Variants in CAMKMT observed in about 807,000 individuals in gnomAD.
CAMKMT encodes the protein CaM KMT.
Under a neutral mutation model 48.0 loss-of-function variants are expected in CAMKMT, and 53 were observed. The ratio of observed to expected loss-of-function variants is 1.10; its 90% confidence interval spans 0.89 to 1.39. The LOEUF (loss-of-function observed/expected upper bound fraction) is 1.39, where lower values mean the gene tolerates loss of function less well. CAMKMT is among the 40% of genes most tolerant of loss of function. CAMKMT has a pLI of 0.00. For missense variants in CAMKMT, 428 were observed against 402.7 expected, an observed-to-expected ratio of 1.06 and a Z score of -0.54; for synonymous variants, 165 against 152.3, an observed-to-expected ratio of 1.08 and a Z score of -0.61.
At chr2:44,718,963 C>G (rs540296490) in intron 7 of CAMKMT, among the ~76,000 whole-genome samples, 1 of 152,246 alleles carries the variant, frequency 6.6e-6, no homozygotes, top group East Asian at 1.9e-4. Flanking sequence ...AGATTTATGC[C>G]TCCTCTGAGA....
chr2:44,559,087 C>G (rs1333564167), intron 3 of CAMKMT, among the ~76,000 whole-genome samples: 3 of 152,128 alleles, frequency 2.0e-5, no homozygotes, highest in African/African-American at 7.2e-5. Context: ...TTCTCAGTTT[C>G]TACAACAGAT....
chr2:44,460,254 G>A (rs1667779495), intron 3 of CAMKMT, among the ~76,000 whole-genome samples: 1 of 152,118 alleles, frequency 6.6e-6, no homozygotes, highest in Non-Finnish European at 1.5e-5. Flanking sequence ...TTGAATCATA[G>A]CAAATAATTT....
At chr2:44,467,976 A>T (rs939035238) in intron 3 of CAMKMT, among the ~76,000 whole-genome samples, 3 of 152,232 alleles carry the variant, frequency 2.0e-5, no homozygotes, top group Non-Finnish European at 2.9e-5. Context: ...CCTCAAAAAC[A>T]TAGGCAACAA....
chr2:44,596,907 C>T (rs543005324), intron 3 of CAMKMT, among the ~76,000 whole-genome samples: 2 of 152,210 alleles, frequency 1.3e-5, no homozygotes, highest in South Asian at 2.1e-4. Flanking sequence ...TTTGCTTCAA[C>T]CTTCATGAAA....
At chr2:44,624,008 C>A (rs1455139170) in intron 3 of CAMKMT, among the ~76,000 whole-genome samples, 2 of 152,074 alleles carry the variant, frequency 1.3e-5, no homozygotes, top group African/African-American at 2.4e-5. Flanking sequence ...TAGTATTCCA[C>A]TGTATGAATT....
chr2:44,754,002 A>G, intron 8 of CAMKMT, 53 bp from the exon 9 acceptor site: 1 of 1,297,524 alleles, frequency 7.7e-7, no homozygotes, highest in Non-Finnish European at 1.1e-6. Flanking sequence ...CATTAGTATC[A>G]TTAGACTTGA....
intron 3 of CAMKMT, among the ~76,000 whole-genome samples, chr2:44,466,938 A>C (rs1358879650): frequency 6.6e-6 from 1 of 152,170 alleles, no homozygotes; most frequent in Non-Finnish European, 1.5e-5. Flanking sequence ...CATATAACCT[A>C]CCAAGACTGA....
intron 6 of CAMKMT, 37 bp from the exon 7 acceptor site, chr2:44,715,250 C>G: frequency 7.3e-7 from 1 of 1,361,986 alleles, no homozygotes; most frequent in South Asian, 1.2e-5. Context: ...GGTCACTTCA[C>G]AATCAGTGCA....
intron 3 of CAMKMT, among the ~76,000 whole-genome samples, chr2:44,622,442 C>T (rs1672250894): frequency 2.0e-5 from 3 of 152,104 alleles, no homozygotes; most frequent in Non-Finnish European, 4.4e-5. Context: ...AACCCATCAC[C>T]CAGAAAGTGA....
At chr2:44,621,604 G>A (rs1672197936) in intron 3 of CAMKMT, among the ~76,000 whole-genome samples, 1 of 152,172 alleles carries the variant, frequency 6.6e-6, no homozygotes, top group Non-Finnish European at 1.5e-5. Flanking sequence ...TTGAGGAAAT[G>A]AAAGAAAACT....
intron 3 of CAMKMT, among the ~76,000 whole-genome samples, chr2:44,462,431 G>A (rs1373928512): frequency 6.6e-6 from 1 of 151,806 alleles, no homozygotes; most frequent in African/African-American, 2.4e-5. Flanking sequence ...AATGAAACTT[G>A]GAAATTTTTT....
chr2:44,675,112 G>C (rs911460478), intron 3 of CAMKMT, among the ~76,000 whole-genome samples: 4 of 151,252 alleles, frequency 2.6e-5, no homozygotes, highest in African/African-American at 9.7e-5. Context: ...GCCAGCAAAT[G>C]ATAGTAGGAG....
intron 3 of CAMKMT, among the ~76,000 whole-genome samples, chr2:44,670,088 A>G (rs1675242197): frequency 6.6e-6 from 1 of 152,160 alleles, no homozygotes; most frequent in African/African-American, 2.4e-5. Flanking sequence ...TTGATTTGTA[A>G]GAATGTCTTA....
At chr2:44,715,563 T>G (rs999476958) in intron 7 of CAMKMT, among the ~76,000 whole-genome samples, 1 of 152,140 alleles carries the variant, frequency 6.6e-6, no homozygotes, top group African/African-American at 2.4e-5. Flanking sequence ...AATTAATAGA[T>G]GAGAAAACAA....
At chr2:44,559,147 T>G (rs769071092) in intron 3 of CAMKMT, among the ~76,000 whole-genome samples, 15 of 152,210 alleles carry the variant, frequency 9.9e-5, no homozygotes, top group Non-Finnish European at 1.5e-4. Flanking sequence ...TGAACACTTT[T>G]GGATTAGGGA....
chr2:44,445,770 C>G (rs1448479054), intron 3 of CAMKMT, among the ~76,000 whole-genome samples: 1 of 147,814 alleles, frequency 6.8e-6, no homozygotes, highest in South Asian at 2.1e-4. Flanking sequence ...GTCCTCAGCC[C>G]CCTCCTCTTG....
intron 3 of CAMKMT, among the ~76,000 whole-genome samples, chr2:44,477,910 A>C (rs573111501): frequency 6.6e-6 from 1 of 152,222 alleles, no homozygotes; most frequent in Non-Finnish European, 1.5e-5. Context: ...GCTACTTCAC[A>C]CAAAGGGACG....
chr2:44,608,970 T>A (rs13011520), intron 3 of CAMKMT, among the ~76,000 whole-genome samples: 61,370 of 152,124 alleles, frequency 0.4, 14,480 homozygotes, highest in Middle Eastern at 0.54. Flanking sequence ...ATTCAAGTAA[T>A]TTAAATCTCT....
At chr2:44,511,792 T>C (rs1479562839) in intron 3 of CAMKMT, among the ~76,000 whole-genome samples, 1 of 152,196 alleles carries the variant, frequency 6.6e-6, no homozygotes, top group Non-Finnish European at 1.5e-5. Flanking sequence ...TATCTTTTGG[T>C]TGGGTCCCTC....
Sources: allele counts gnomAD v4.1 joint callset (sites outside exome capture counted in the v4.1 genomes callset), GRCh38; gene constraint gnomAD v4.1.1; transcripts MANE v1.5; gene names NCBI Gene and HGNC (gene_info 2026-07-23, HGNC 2026-07-21).